The following SPAG1 variants were observed in gnomAD, a reference collection of about 807,000 sequenced individuals.
SPAG1 encodes the protein sperm-associated antigen 1.
Under a neutral mutation model 100.5 loss-of-function variants are expected in SPAG1, and 69 were observed. The observed-to-expected ratio is 0.69, with a 90% CI of 0.57 to 0.84. The LOEUF (loss-of-function observed/expected upper bound fraction) is 0.84, where lower values mean the gene tolerates loss of function less well. Among genes scored for constraint, SPAG1 ranks in the 40% least tolerant of loss-of-function variants. The pLI is 0.00. For missense variants in SPAG1, 955 were observed against 1,133.1 expected, an observed-to-expected ratio of 0.84 and a Z score of 2.26; for synonymous variants, 336 against 411.6, an observed-to-expected ratio of 0.82 and a Z score of 2.22.
At chr8:100,224,313 GCTGAGAT>G (rs1296463859) in intron 13 of SPAG1, among the ~76,000 whole-genome samples, 1 of 152,146 alleles carries the variant, frequency 6.6e-6, no homozygotes, top group Non-Finnish European at 1.5e-5. Context: ...ACTTTGGTAG[GCTGAGAT>G]CACCTGAGGT....
intron 1 of SPAG1, among the ~76,000 whole-genome samples, chr8:100,161,245 G>A (rs573495795): frequency 2.0e-5 from 3 of 152,122 alleles, no homozygotes; most frequent in Non-Finnish European, 4.4e-5. Flanking sequence ...TCAGGAGTCT[G>A]AGGTGGGAGG....
rs917968952 is a variant in SPAG1 at position 100,232,511 on chromosome 8, C to T, written c.1989-900C>T. The stretch of plus-strand genomic sequence containing the variant: ...GGGCTGGATATCATCCCCTACCTCC[C>T]TCTTCCAGTCAGCAAGCTCAGATGC... On this transcript the variant is annotated intron_variant, in intron 15 of 18. Coordinates refer to ENST00000388798, the MANE Select transcript of SPAG1 (RefSeq NM_003114.5). Among the ~76,000 whole-genome samples the T allele has an allele frequency of 2.3e-4, 35 of 152,200 alleles. 1 individual carries two copies. Among genetic ancestry groups the T allele is most frequent in the African/African-American group, 9.7e-5 (4 of 41,432 alleles).
rs907224969 is a variant in SPAG1, at chr8:100,241,041, T to C, written c.*19T>C. The C allele has an allele frequency of 1.2e-6, 2 of 1,608,342 alleles. No individual in the cohort carries two copies. The highest frequency in any genetic ancestry group is 8.5e-7 in the Non-Finnish European group (1 of 1,177,718). ...GCTTTAAATCAAGATAATTGTTAGA[T>C]TTCTTCCATGCATGTATGTGTTCCA... On this transcript the variant is annotated 3_prime_UTR_variant, in exon 19 of 19. Coordinates refer to ENST00000388798, the MANE Select transcript of SPAG1 (RefSeq NM_003114.5). The surrounding 1 kb of genome is among the most constrained non-coding windows in gnomAD (Gnocchi z 5.1).
chr8:100,160,723 G>C (rs1301437713), intron 1 of SPAG1, among the ~76,000 whole-genome samples: 5 of 152,110 alleles, frequency 3.3e-5, no homozygotes, highest in Admixed American at 2.6e-4. Flanking sequence ...GTGGGAAAAG[G>C]ATTGTGTTAA....
chr8:100,233,274 T>C, intron 15 of SPAG1, 137 bp from the exon 16 acceptor site: 1 of 910,354 alleles, frequency 1.1e-6, no homozygotes, highest in Admixed American at 2.2e-5. Flanking sequence ...TTGAATCAAA[T>C]GTTAAGTTTC....
intron 10 of SPAG1, among the ~76,000 whole-genome samples, chr8:100,210,311 T>C (rs1265578751): frequency 2.6e-5 from 4 of 152,192 alleles, no homozygotes; most frequent in African/African-American, 7.2e-5. Context: ...TTGGCATTGA[T>C]TGATTTTCTA....
intron 13 of SPAG1, among the ~76,000 whole-genome samples, chr8:100,220,634 C>T (rs1818229236): frequency 6.6e-6 from 1 of 152,130 alleles, no homozygotes; most frequent in East Asian, 1.9e-4. Flanking sequence ...CTGACTTGTC[C>T]TCTAATGCCT....
In SPAG1 at chr8:100,160,166, C is replaced by G. The variant is rs114338968; in HGVS notation, c.-3+1550C>G. Among the ~76,000 whole-genome samples, 862 of 152,250 alleles carry G rather than the reference C, an allele frequency of 5.7e-3. 6 individuals are homozygous for G. The highest frequency in any genetic ancestry group is 0.02 in the African/African-American group (813 of 41,532). ...AGCAGTATCTTTAAAGTGATGTTCTCCAAGACCTCCTTATTCCCAATTCAA... is the reference window on the plus strand; with the variant it reads ...AGCAGTATCTTTAAAGTGATGTTCTGCAAGACCTCCTTATTCCCAATTCAA... On this transcript the variant is annotated intron_variant, in intron 1 of 18. Coordinates refer to ENST00000388798, the MANE Select transcript of SPAG1 (RefSeq NM_003114.5).
chr8:100,193,423 T>G (rs1209008810), intron 9 of SPAG1, among the ~76,000 whole-genome samples: 1 of 152,112 alleles, frequency 6.6e-6, no homozygotes, highest in African/African-American at 2.4e-5. Flanking sequence ...ATTGCACCAC[T>G]GTACTCCAGC....
chr8:100,187,025 G>C lies in SPAG1; in HGVS notation c.702-95G>C, dbSNP rs574589560. On this transcript the variant is annotated intron_variant, in intron 7 of 18. Transcript: ENST00000388798. ...GGGATACAATTCAGCCCATAGACAG[G>C]TTATAATTGTTTTATGTATAACTGA... The C allele has an allele frequency of 1.4e-5, 17 of 1,245,154 alleles. No individual in the cohort carries two copies. In the East Asian group the frequency reaches 4.0e-4, roughly 29 times the overall value. 77.1% of individuals were successfully genotyped at this position (1,245,154 alleles called of 1,614,324 possible). A position where few individuals can be genotyped will look rare whatever the true frequency, so the allele number is the denominator to read the frequency against.
chr8:100,233,163 T>C, intron 15 of SPAG1: 1 of 397,310 alleles, frequency 2.5e-6, no homozygotes, highest in South Asian at 2.4e-5. Flanking sequence ...ACAGATTTTA[T>C]TGTGTTTGCT....
intron 3 of SPAG1, among the ~76,000 whole-genome samples, chr8:100,171,253 C>T (rs757898683): frequency 1.3e-5 from 2 of 151,932 alleles, no homozygotes; most frequent in Non-Finnish European, 2.9e-5. Flanking sequence ...TAAAATTTTG[C>T]GAAGGATTTT....
At chr8:100,228,213 T>C (rs1209793257) in intron 14 of SPAG1, among the ~76,000 whole-genome samples, 3 of 152,100 alleles carry the variant, frequency 2.0e-5, no homozygotes, top group African/African-American at 4.8e-5. Context: ...AAAAGTAAAC[T>C]AGCATTTTAT....
chr8:100,194,171 A>G lies in SPAG1; in HGVS notation c.999A>G (p.Gln333=), dbSNP rs780686032. The G allele has an allele frequency of 3.1e-6, 5 of 1,608,770 alleles. No homozygotes were observed. The highest frequency in any genetic ancestry group is 4.2e-6 in the Non-Finnish European group (5 of 1,178,478). Residue 333 remains glutamine, a synonymous_variant, in exon 10 of 19, where the codon CAA becomes CAG. Transcript: ENST00000388798. ...ATTCTGAAGCTGCATCTGAGACTCA[A>G]ACCAAAGGGAAAAGGATGGTTATTC... ...LKNSEAASET[Q]TKGKRMVIQE... is the part of the protein sequence containing the mutation.
rs1437980296 is a variant in SPAG1, at chr8:100,214,669, TATATATG to T, written c.1535+754_1535+760del. On this transcript the variant is annotated intron_variant, in intron 12 of 18. Transcript: ENST00000388798. ...TATGGGGTACCGAGTGATGCTTCGA[TATATATG>T]ATGTGGCCAGGCACAGTGGCTCATG... is the stretch of plus-strand genomic sequence containing the variant. 2.6e-5 allele frequency among the ~76,000 whole-genome samples: 4 copies of T among 152,164 alleles called. No homozygotes were observed. The East Asian group carries it at 5.8e-4, about 22-fold the overall frequency.
chr8:100,237,752 A>G (rs1819070208), intron 16 of SPAG1, among the ~76,000 whole-genome samples: 1 of 152,054 alleles, frequency 6.6e-6, no homozygotes, highest in Non-Finnish European at 1.5e-5. Flanking sequence ...GCTTGTCTGC[A>G]GTGCTAACAC....
At chr8:100,220,222 A>G (rs1290613933) in intron 12 of SPAG1, 57 bp from the exon 13 acceptor site, 4 of 1,458,834 alleles carry the variant, frequency 2.7e-6, no homozygotes, top group Non-Finnish European at 3.8e-6. Context: ...TCAGTGAAGT[A>G]TAAACGAAAG....
intron 10 of SPAG1, among the ~76,000 whole-genome samples, chr8:100,206,492 C>T (rs901942953): frequency 6.6e-6 from 1 of 152,188 alleles, no homozygotes; most frequent in African/African-American, 2.4e-5. Flanking sequence ...ACCTAGCGAG[C>T]AAGAAGTAGC....
intron 1 of SPAG1, among the ~76,000 whole-genome samples, chr8:100,160,444 T>G (rs1815256021): frequency 6.6e-6 from 1 of 152,134 alleles, no homozygotes; most frequent in South Asian, 2.1e-4. Flanking sequence ...CTGGCCAACA[T>G]GGTGAAACCC....
Sources: allele counts gnomAD v4.1 joint callset (sites outside exome capture counted in the v4.1 genomes callset), GRCh38; gene constraint gnomAD v4.1.1; non-coding constraint Gnocchi (gnomAD v3.1); transcripts MANE v1.5; gene names NCBI Gene and HGNC (gene_info 2026-07-23, HGNC 2026-07-21).